The following ZBTB7C variants were observed in gnomAD, a reference collection of about 807,000 sequenced individuals.
ZBTB7C encodes the protein zinc finger and BTB domain-containing protein 7C.
Under a neutral mutation model 25.7 loss-of-function variants are expected in ZBTB7C, and 8 were observed. That is an observed-to-expected ratio of 0.31 (90% CI 0.18 to 0.56). The LOEUF is 0.56. Among genes scored for constraint, ZBTB7C ranks in the 20% least tolerant of loss-of-function variants. ZBTB7C has a pLI of 0.91. For synonymous variants in ZBTB7C, 394 were observed against 369.0 expected, an observed-to-expected ratio of 1.07 and a Z score of -0.78; for missense variants, 824 against 855.2, an observed-to-expected ratio of 0.96 and a Z score of 0.46.
intron 3 of ZBTB7C, among the ~76,000 whole-genome samples, chr18:48,053,234 T>C (rs917567923): frequency 6.6e-6 from 1 of 152,150 alleles, no homozygotes; most frequent in Non-Finnish European, 1.5e-5. Flanking sequence ...AGAATGGGCA[T>C]GGAGTTGGGA....
At chr18:48,407,543 G>A (rs1168696890) in intron 1 of ZBTB7C, among the ~76,000 whole-genome samples, 1 of 152,180 alleles carries the variant, frequency 6.6e-6, no homozygotes, top group Non-Finnish European at 1.5e-5. Context: ...AGCCCTACCA[G>A]GCCTTGCCCA....
intron 1 of ZBTB7C, among the ~76,000 whole-genome samples, chr18:48,400,930 G>T (rs1052398775): frequency 6.6e-6 from 1 of 152,202 alleles, no homozygotes; most frequent in Admixed American, 6.5e-5. Flanking sequence ...TGTGTGGCCA[G>T]ACATTATCCA....
chr18:48,305,690 A>G (rs2144765194), intron 2 of ZBTB7C, among the ~76,000 whole-genome samples: 1 of 152,306 alleles, frequency 6.6e-6, no homozygotes, highest in Admixed American at 6.5e-5. Context: ...ACAGTTAGGG[A>G]GAGTGGATGA....
intron 2 of ZBTB7C, among the ~76,000 whole-genome samples, chr18:48,297,143 G>A (rs2045418456): frequency 6.6e-6 from 1 of 152,194 alleles, no homozygotes; most frequent in African/African-American, 2.4e-5. Flanking sequence ...ATGCCCGCAT[G>A]TTCTAGAGTG....
At chr18:48,293,862 C>T (rs994352423) in intron 2 of ZBTB7C, among the ~76,000 whole-genome samples, 6 of 138,404 alleles carry the variant, frequency 4.3e-5, no homozygotes, top group African/African-American at 1.4e-4. Flanking sequence ...AAGCAATCCT[C>T]CAGCCTAAGC....
chr18:48,401,083 G>A (rs1479370555), intron 1 of ZBTB7C, among the ~76,000 whole-genome samples: 1 of 152,168 alleles, frequency 6.6e-6, no homozygotes, highest in East Asian at 1.9e-4. Context: ...AGGAGGGAGG[G>A]ATCCTAGCAC....
intron 4 of ZBTB7C, among the ~76,000 whole-genome samples, chr18:48,037,137 G>C (rs2144119621): frequency 6.6e-6 from 1 of 152,360 alleles, no homozygotes; most frequent in South Asian, 2.1e-4. Flanking sequence ...CCTGGGAAGA[G>C]AAGGACCCAA....
chr18:48,057,397 A>G (rs1314419231), intron 3 of ZBTB7C, among the ~76,000 whole-genome samples: 1 of 152,236 alleles, frequency 6.6e-6, no homozygotes, highest in Admixed American at 6.5e-5. Context: ...CAGCCATTAA[A>G]AAGAATGAGG....
At chr18:48,304,525 A>C (rs1271872690) in intron 2 of ZBTB7C, among the ~76,000 whole-genome samples, 1 of 152,162 alleles carries the variant, frequency 6.6e-6, no homozygotes, top group Admixed American at 6.5e-5. Flanking sequence ...AAATACAAAA[A>C]TTAGCCAGGC....
chr18:48,156,338 T>C (rs1454477949), intron 3 of ZBTB7C, among the ~76,000 whole-genome samples: 2 of 152,034 alleles, frequency 1.3e-5, no homozygotes, highest in Non-Finnish European at 2.9e-5. Flanking sequence ...GGAGCTCCGC[T>C]TTTTTGTTCT....
chr18:48,348,677 C>T (rs1017601966), intron 1 of ZBTB7C, among the ~76,000 whole-genome samples: 3 of 152,162 alleles, frequency 2.0e-5, no homozygotes, highest in Non-Finnish European at 2.9e-5. Context: ...ATTAGCTAGG[C>T]GTGGTGGCAC....
chr18:48,383,256 TTTTA>T (rs539351344), intron 1 of ZBTB7C, among the ~76,000 whole-genome samples: 2 of 152,092 alleles, frequency 1.3e-5, no homozygotes, highest in South Asian at 2.1e-4. Context: ...AATTACAATC[TTTTA>T]TTTATTTATT....
intron 1 of ZBTB7C, among the ~76,000 whole-genome samples, chr18:48,370,013 G>A (rs1378837856): frequency 4.6e-5 from 7 of 151,950 alleles, no homozygotes; most frequent in Admixed American, 6.6e-5. Context: ...AAACCTCAAC[G>A]AATTGAAAAA....
chr18:48,119,182 G>C (rs2039543128), intron 3 of ZBTB7C, among the ~76,000 whole-genome samples: 1 of 151,736 alleles, frequency 6.6e-6, no homozygotes, highest in Non-Finnish European at 1.5e-5. Context: ...GTTGGTTCAG[G>C]GACACACTTT....
rs547547875 is a variant in ZBTB7C at position 48,336,549 on chromosome 18, T to C, written c.-79+1625A>G. Among the ~76,000 whole-genome samples, 7 of 152,346 alleles carry C rather than the reference T, an allele frequency of 4.6e-5. No individual in the cohort carries two copies. The East Asian group carries it at 1.2e-3, about 25-fold the overall frequency. On this transcript the variant is annotated intron_variant, in intron 2 of 4. Coordinates refer to ENST00000590800, the MANE Select transcript of ZBTB7C (RefSeq NM_001318841.2). ...CACACTCCCTCCCGTGGAAGCAAAC[T>C]GCAGCTCATTCTCTGCATTTCCGGC...
chr18:48,170,127 T>A (rs1324235126), intron 3 of ZBTB7C, among the ~76,000 whole-genome samples: 1 of 152,242 alleles, frequency 6.6e-6, no homozygotes, highest in Middle Eastern at 3.2e-3. Context: ...GGTGCCCTCA[T>A]GGCCTGTGCA....
intron 2 of ZBTB7C, among the ~76,000 whole-genome samples, chr18:48,292,114 C>T (rs2045247495): frequency 6.6e-6 from 1 of 152,016 alleles, no homozygotes; most frequent in East Asian, 1.9e-4. Flanking sequence ...AGGAGAATCA[C>T]TTGAACCTGG....
chr18:48,286,779 C>A (rs560448292), intron 2 of ZBTB7C, among the ~76,000 whole-genome samples: 1 of 152,054 alleles, frequency 6.6e-6, no homozygotes, highest in Admixed American at 6.5e-5. Context: ...AGGCCAGGCA[C>A]GGTGGCTCAT....
Position 48,029,631 on chromosome 18 carries a change from C to A in ZBTB7C, c.1489G>T (p.Gly497Cys), listed in dbSNP as rs2035651905. 2 of 1,506,556 alleles carry A rather than the reference C, an allele frequency of 1.3e-6. No individual in the cohort carries two copies. Among genetic ancestry groups the A allele is most frequent in the African/African-American group, 2.8e-5 (2 of 71,132 alleles). 93.3% of individuals were successfully genotyped at this position (1,506,556 alleles called of 1,614,324 possible). Residue 497 changes from glycine (G) to cysteine (C), a missense_variant, in exon 5 of 5, where the codon GGC (glycine) becomes TGC (cysteine). Transcript: ENST00000590800. Reference sequence around the variant, plus strand: ...AAGGCCGCCTTGTCGGGGGCCGGGCCGCCGGGCCCGAAGAGCAGGCTGGCG... The same window carrying A: ...AAGGCCGCCTTGTCGGGGGCCGGGCAGCCGGGCCCGAAGAGCAGGCTGGCG... ...RAASLLFGPG[G>C]PAPDKAAFVM...
Sources: gnomAD v4.1 joint callset for allele counts (sites outside exome capture counted in the v4.1 genomes callset) on GRCh38, gnomAD v4.1.1 for gene constraint, MANE v1.5 for transcripts, NCBI Gene and HGNC (gene_info 2026-07-23, HGNC 2026-07-21) for gene names.